The following TNFSF13B variants were observed in gnomAD, a reference collection of about 807,000 sequenced individuals.
TNFSF13B encodes the protein TNF superfamily member 13b.
In TNFSF13B, 8 loss-of-function variants were observed where a neutral mutation model predicts 29.1. That is an observed-to-expected ratio of 0.27 (90% CI 0.16 to 0.50). The LOEUF is 0.50. Ranked by LOEUF, TNFSF13B falls within the 20% of genes least tolerant of loss-of-function variation. TNFSF13B has a pLI of 0.98. For synonymous variants in TNFSF13B, 125 were observed against 130.8 expected, an observed-to-expected ratio of 0.96 and a Z score of 0.30; for missense variants, 248 against 334.9, an observed-to-expected ratio of 0.74 and a Z score of 2.03.
chr13:108,279,862 A>C (rs1482683435), intron 2 of TNFSF13B, among the ~76,000 whole-genome samples: 1 of 151,910 alleles, frequency 6.6e-6, no homozygotes, highest in Non-Finnish European at 1.5e-5. Flanking sequence ...TGAGCTGTTA[A>C]TTTTGTCCGT....
intron 3 of TNFSF13B, among the ~76,000 whole-genome samples, chr13:108,296,214 TAGAA>T (rs1268728180): frequency 6.9e-6 from 1 of 145,866 alleles, no homozygotes; most frequent in Non-Finnish European, 1.5e-5. Flanking sequence ...GCTGTTACTA[TAGAA>T]ATGTCTATTT....
chr13:108,275,567 G>GA (rs961242294), intron 2 of TNFSF13B, among the ~76,000 whole-genome samples: 1 of 151,950 alleles, frequency 6.6e-6, no homozygotes, highest in Admixed American at 6.5e-5. Flanking sequence ...AGCAAGAATA[G>GA]AAAAAATTGT....
Position 108,306,733 on chromosome 13 carries a change from T to TA in TNFSF13B, c.746-93_746-92insA, listed in dbSNP as rs1881785492. ...TGAAGTGTGAATGCCTATGTTAACATTTTTTTTTTACAGAACAAAATAGTT... is the reference window on the plus strand; with the variant it reads ...TGAAGTGTGAATGCCTATGTTAACATATTTTTTTTTACAGAACAAAATAGTT... On this transcript the variant is annotated intron_variant, in intron 5 of 5. Coordinates refer to ENST00000375887, the MANE Select transcript of TNFSF13B (RefSeq NM_006573.5). 25 of 545,106 alleles carry TA rather than the reference T, an allele frequency of 4.6e-5. No individual in the cohort carries two copies. The South Asian group carries it at 5.9e-4, about 13-fold the overall frequency. 33.8% of individuals were successfully genotyped at this position (545,106 alleles called of 1,614,324 possible). A position where few individuals can be genotyped will look rare whatever the true frequency, so the allele number is the denominator to read the frequency against.
rs752513510 is a variant in TNFSF13B at position 108,286,805 on chromosome 13, A to G, written c.427A>G (p.Thr143Ala). ...AATGATAAATTTTTGCTTTTTAGTC[A>G]CTCAAGACTGCTTGCAACTGATTGC... ...RAVQGPEETV[T>A]QDCLQLIADS... Residue 143 changes from threonine (T) to alanine (A), a missense_variant and splice_region_variant, in exon 3 of 6, where the codon ACT becomes GCT. Transcript: ENST00000375887. The G allele has an allele frequency of 2.6e-6, 4 of 1,565,132 alleles. No individual in the cohort carries two copies. The highest frequency in any genetic ancestry group is 1.8e-5 in the Admixed American group (1 of 56,230).
intron 2 of TNFSF13B, among the ~76,000 whole-genome samples, chr13:108,280,356 T>G (rs576104879): frequency 6.6e-6 from 1 of 152,286 alleles, no homozygotes; most frequent in Non-Finnish European, 1.5e-5. Context: ...TGAGACATGT[T>G]GAATCTGAAG....
At chr13:108,273,467 C>T (rs762991269) in intron 2 of TNFSF13B, among the ~76,000 whole-genome samples, 4 of 152,076 alleles carry the variant, frequency 2.6e-5, no homozygotes, top group African/African-American at 4.8e-5. Context: ...CTGTACATAG[C>T]GCCCTTTGTA....
intron 5 of TNFSF13B, 28 bp from the exon 6 acceptor site, chr13:108,306,798 A>T: frequency 7.6e-7 from 1 of 1,308,656 alleles, no homozygotes; most frequent in Non-Finnish European, 1.1e-6. Flanking sequence ...ATAACCACTT[A>T]TAGTTCTTGT....
chr13:108,274,656 CG>C (rs1191141037), intron 2 of TNFSF13B, among the ~76,000 whole-genome samples: 3 of 152,016 alleles, frequency 2.0e-5, no homozygotes, highest in African/African-American at 4.8e-5. Flanking sequence ...AACACAAGGA[CG>C]TTTTTTAGTA....
chr13:108,285,323 C>T (rs138437479), intron 2 of TNFSF13B, among the ~76,000 whole-genome samples: 308 of 152,228 alleles, frequency 2.0e-3, no homozygotes, highest in Admixed American at 5.2e-3. Flanking sequence ...TAAATACATT[C>T]ATGTGTTGCT....
At chr13:108,282,292 G>T (rs1237233569) in intron 2 of TNFSF13B, among the ~76,000 whole-genome samples, 1 of 152,192 alleles carries the variant, frequency 6.6e-6, no homozygotes, top group Non-Finnish European at 1.5e-5. Context: ...ATAATCTGCA[G>T]TAATTGCGTT....
chr13:108,299,875 A>G (rs919873032), intron 3 of TNFSF13B, among the ~76,000 whole-genome samples: 1 of 152,178 alleles, frequency 6.6e-6, no homozygotes, highest in African/African-American at 2.4e-5. Flanking sequence ...AAGAGATGAT[A>G]AAATGCCTAA....
intron 2 of TNFSF13B, among the ~76,000 whole-genome samples, chr13:108,285,156 TTTATAG>T (rs1332536632): frequency 6.6e-6 from 1 of 152,162 alleles, no homozygotes; most frequent in Non-Finnish European, 1.5e-5. Flanking sequence ...TTAGAAAAGC[TTTATAG>T]TTATAAAGGA....
chr13:108,285,507 A>G (rs752769358), intron 2 of TNFSF13B, among the ~76,000 whole-genome samples: 2 of 152,220 alleles, frequency 1.3e-5, no homozygotes, highest in African/African-American at 2.4e-5. Flanking sequence ...ATGTTACTGT[A>G]TTGAATATTG....
chr13:108,287,285 T>C (rs897665826), intron 3 of TNFSF13B, among the ~76,000 whole-genome samples: 3 of 152,092 alleles, frequency 2.0e-5, no homozygotes, highest in African/African-American at 7.2e-5. Flanking sequence ...ACAAATAAAA[T>C]ATCCCCAGTA....
At position 108,270,133 on chromosome 13, in the gene TNFSF13B, C is replaced by T. The variant is rs1476283117; in HGVS notation, c.238C>T (p.Arg80Trp). The part of the protein sequence containing the change: ...AALQGDLASL[R>W]AELQGHHAEK... ...CCTGCAAGGGGACCTGGCCAGCCTC[C>T]GGGCAGAGCTGCAGGGCCACCACGC... The change falls in exon 1 of 6, where the codon CGG becomes TGG. Residue 80 changes from arginine to tryptophan, a missense_variant. Around this residue, in one of 2 missense-constraint regions of TNFSF13B, gnomAD observed 186 missense variants for 196.3 expected, o/e 0.95. Transcript: ENST00000375887. 1.9e-6 allele frequency: 3 copies of T among 1,602,238 alleles called. No individual in the cohort carries two copies. Among genetic ancestry groups the T allele is most frequent in the Non-Finnish European group, 2.5e-6 (3 of 1,179,924 alleles).
intron 3 of TNFSF13B, chr13:108,302,953 C>T (rs181054040): frequency 2.5e-5 from 18 of 717,718 alleles, no homozygotes; most frequent in African/African-American, 2.5e-4. Context: ...TCCAGATCAG[C>T]CTTTATTATG....
intron 2 of TNFSF13B, among the ~76,000 whole-genome samples, chr13:108,276,718 C>T (rs16972207): frequency 6.6e-6 from 1 of 151,870 alleles, no homozygotes; most frequent in Non-Finnish European, 1.5e-5. Flanking sequence ...GTTCATTAAG[C>T]CTTTTTATCT....
chr13:108,289,751 C>A (rs900561993), intron 3 of TNFSF13B, among the ~76,000 whole-genome samples: 4 of 151,376 alleles, frequency 2.6e-5, no homozygotes, highest in African/African-American at 9.7e-5. Context: ...TTCAAAGGAG[C>A]GGGGCTACGT....
intron 2 of TNFSF13B, among the ~76,000 whole-genome samples, chr13:108,274,187 T>C (rs1048602724): frequency 2.6e-5 from 4 of 152,190 alleles, no homozygotes; most frequent in African/African-American, 9.6e-5. Flanking sequence ...TAATTAAGAT[T>C]TGGGAGTCAA....
Sources: gnomAD v4.1 joint callset for allele counts (sites outside exome capture counted in the v4.1 genomes callset) on GRCh38, gnomAD v4.1.1 for gene constraint, gnomAD v4.1.1 regional missense constraint, MANE v1.5 for transcripts, NCBI Gene and HGNC (gene_info 2026-07-23, HGNC 2026-07-21) for gene names.